Variants in SLC24A3 observed in about 807,000 individuals in gnomAD.
The protein encoded by SLC24A3 is solute carrier family 24 member 3, also known as sodium/potassium/calcium exchanger 3.
In SLC24A3, 28 loss-of-function variants were observed where a neutral mutation model predicts 75.8. The observed-to-expected ratio is 0.37, with a 90% CI of 0.27 to 0.51. The LOEUF is 0.51. Among genes scored for constraint, SLC24A3 ranks in the 20% least tolerant of loss-of-function variants. The probability of loss-of-function intolerance (pLI) is 0.94; values close to 1 mark genes in which losing one functional copy is unlikely to be tolerated. For missense variants in SLC24A3, 663 were observed against 847.8 expected, an observed-to-expected ratio of 0.78 and a Z score of 2.71; for synonymous variants, 372 against 334.1, an observed-to-expected ratio of 1.11 and a Z score of -1.24.
chr20:19,259,736 T>C (rs1197481153), intron 1 of SLC24A3, among the ~76,000 whole-genome samples: 1 of 152,140 alleles, frequency 6.6e-6, no homozygotes, highest in Non-Finnish European at 1.5e-5. Flanking sequence ...TATATGAAAA[T>C]GTTCAACCAT....
chr20:19,397,015 A>C (rs1333096328), intron 2 of SLC24A3, among the ~76,000 whole-genome samples: 3 of 152,220 alleles, frequency 2.0e-5, no homozygotes, highest in African/African-American at 7.2e-5. Context: ...GTAAATGAGA[A>C]AGTGATCTTT....
intron 2 of SLC24A3, among the ~76,000 whole-genome samples, chr20:19,293,729 T>G (rs1172693672): frequency 2.0e-5 from 3 of 152,014 alleles, no homozygotes; most frequent in Admixed American, 6.5e-5. Flanking sequence ...CTGGCTCTGC[T>G]TAGTGGTTCT....
chr20:19,495,636 T>C (rs1381241294), intron 2 of SLC24A3, among the ~76,000 whole-genome samples: 2 of 152,220 alleles, frequency 1.3e-5, no homozygotes. Context: ...CCATACCTTT[T>C]GGGTGGATGA....
At chr20:19,441,337 C>T (rs779845485) in intron 2 of SLC24A3, among the ~76,000 whole-genome samples, 1 of 152,078 alleles carries the variant, frequency 6.6e-6, no homozygotes, top group Admixed American at 6.5e-5. Context: ...ACAGACTGCT[C>T]CAGACTTGCT....
intron 2 of SLC24A3, among the ~76,000 whole-genome samples, chr20:19,326,361 A>C (rs566331398): frequency 6.6e-6 from 1 of 152,182 alleles, no homozygotes; most frequent in East Asian, 1.9e-4. Context: ...GATGGGGACT[A>C]TGGGCTGGGA....
At chr20:19,559,365 A>C (rs561070088) in intron 3 of SLC24A3, among the ~76,000 whole-genome samples, 1 of 152,336 alleles carries the variant, frequency 6.6e-6, no homozygotes, top group African/African-American at 2.4e-5. Flanking sequence ...CATGTACTTC[A>C]TAAGATACAT....
intron 6 of SLC24A3, among the ~76,000 whole-genome samples, chr20:19,604,610 A>C (rs555479117): frequency 1.1e-4 from 16 of 152,284 alleles, no homozygotes; most frequent in Admixed American, 5.9e-4. Flanking sequence ...CAGAACCCCC[A>C]GTGTTAACCT....
intron 3 of SLC24A3, among the ~76,000 whole-genome samples, chr20:19,570,974 G>C (rs1382743211): frequency 1.3e-5 from 2 of 152,142 alleles, no homozygotes; most frequent in Non-Finnish European, 2.9e-5. Flanking sequence ...GGGGATTTGA[G>C]GCCTGGTAGA....
chr20:19,262,108 C>T (rs1463798496), intron 1 of SLC24A3, among the ~76,000 whole-genome samples: 2 of 152,090 alleles, frequency 1.3e-5, no homozygotes, highest in African/African-American at 2.4e-5. Flanking sequence ...CCTCTATACA[C>T]AGAAAGAGAG....
At chr20:19,596,007 G>A (rs986361471) in intron 6 of SLC24A3, among the ~76,000 whole-genome samples, 19 of 152,314 alleles carry the variant, frequency 1.2e-4, no homozygotes, top group African/African-American at 4.3e-4. Context: ...GGTGAAGAAG[G>A]GGAGTATGGC....
chr20:19,505,194 CT>C (rs140483281), intron 2 of SLC24A3, among the ~76,000 whole-genome samples: 3,627 of 152,226 alleles, frequency 0.024, 161 homozygotes, highest in African/African-American at 0.082. Flanking sequence ...AAAAAGAGCT[CT>C]TAAGTGGGAA....
At chr20:19,466,774 G>C (rs138513036) in intron 2 of SLC24A3, among the ~76,000 whole-genome samples, 1 of 151,254 alleles carries the variant, frequency 6.6e-6, no homozygotes, top group Non-Finnish European at 1.5e-5. Flanking sequence ...AGCACCTCTC[G>C]TCTTTCGAAT....
intron 3 of SLC24A3, among the ~76,000 whole-genome samples, chr20:19,528,244 G>A (rs1028878246): frequency 2.0e-5 from 3 of 152,096 alleles, no homozygotes; most frequent in African/African-American, 7.2e-5. Context: ...ACTTATTTAG[G>A]AATTTGGAAC....
rs190773521 is a variant in SLC24A3 at position 19,378,722 on chromosome 20, G to A, written c.271+97635G>A. 2.2e-3 allele frequency among the ~76,000 whole-genome samples: 336 copies of A among 152,230 alleles called. 2 individuals carry two copies. Among genetic ancestry groups the A allele is most frequent in the Non-Finnish European group, 3.9e-3 (267 of 68,010 alleles). ...GAGACACACAGGTCCCCAAAGCTCA[G>A]TCTTTCTTCATTTTGCAAGTATGTA... is the stretch of plus-strand genomic sequence containing the variant. On this transcript the variant is annotated intron_variant, in intron 2 of 16. Coordinates refer to ENST00000328041, the MANE Select transcript of SLC24A3 (RefSeq NM_020689.4).
chr20:19,391,968 G>A (rs1056296178), intron 2 of SLC24A3, among the ~76,000 whole-genome samples: 4 of 152,208 alleles, frequency 2.6e-5, no homozygotes, highest in South Asian at 2.1e-4. Context: ...GGGAACAAAT[G>A]TTCTGGGTAC....
At chr20:19,517,511 A>G (rs1437999211) in intron 3 of SLC24A3, among the ~76,000 whole-genome samples, 1 of 152,184 alleles carries the variant, frequency 6.6e-6, no homozygotes, top group Non-Finnish European at 1.5e-5. Flanking sequence ...GGCAACATGG[A>G]CACAAATGCA....
chr20:19,490,457 G>A (rs1214971021), intron 2 of SLC24A3, among the ~76,000 whole-genome samples: 1 of 152,202 alleles, frequency 6.6e-6, no homozygotes, highest in Non-Finnish European at 1.5e-5. Flanking sequence ...AGAGAGGGAT[G>A]CCCAGGAGTT....
chr20:19,467,563 T>G (rs934082385), intron 2 of SLC24A3, among the ~76,000 whole-genome samples: 2 of 152,118 alleles, frequency 1.3e-5, no homozygotes, highest in Admixed American at 6.5e-5. Context: ...AGAGCTGACC[T>G]GGAAAGACAA....
chr20:19,371,353 G>A (rs1985989828), intron 2 of SLC24A3, among the ~76,000 whole-genome samples: 1 of 124,164 alleles, frequency 8.1e-6, no homozygotes, highest in African/African-American at 4.0e-5. Flanking sequence ...AGGCCCAGGA[G>A]GTCTGGGGAT....
Sources: gnomAD v4.1 joint callset for allele counts (sites outside exome capture counted in the v4.1 genomes callset) on GRCh38, gnomAD v4.1.1 for gene constraint, MANE v1.5 for transcripts, NCBI Gene and HGNC (gene_info 2026-07-23, HGNC 2026-07-21) for gene names.